Variants in HYDIN observed in about 807,000 individuals in gnomAD.
The protein encoded by HYDIN is axonemal central pair apparatus protein HYDIN.
Under a neutral mutation model 403.9 loss-of-function variants are expected in HYDIN, and 132 were observed. That is an observed-to-expected ratio of 0.33 (90% CI 0.28 to 0.38). The LOEUF (loss-of-function observed/expected upper bound fraction) is 0.38. Among genes scored for constraint, HYDIN ranks in the 10% least tolerant of loss-of-function variants. The pLI, the probability that HYDIN is intolerant of heterozygous loss-of-function variation, is 1.00. For missense variants in HYDIN, 2,827 were observed against 5,009.5 expected (o/e 0.56, Z 13.15); for synonymous variants, 1,202 against 1,891.7 (o/e 0.64, Z 9.46).
In HYDIN at chr16:70,920,626, C is replaced by T. The variant is rs1175719006; in HGVS notation, c.7750G>A (p.Ala2584Thr). The T allele has an allele frequency of 1.9e-6, 3 of 1,613,876 alleles. No homozygotes were observed. The highest frequency in any genetic ancestry group is 2.5e-6 in the Non-Finnish European group (3 of 1,179,922). Reference protein sequence around the residue: ...PDFEGLSWKQALESDKLPKGE... With the variant: ...PDFEGLSWKQTLESDKLPKGE... The stretch of plus-strand genomic sequence containing the variant: ...TTGGGAAGCTTGTCGCTCTCTAGGG[C>T]CTGCTTCCAGCTCAAGCCTTCAAAG... The change falls in exon 46 of 86, where the codon GCC (alanine) becomes ACC (threonine). Residue 2584 changes from alanine to threonine, a missense_variant. Transcript: ENST00000393567.
At chr16:71,185,775 G>A (rs1409158551) in intron 2 of HYDIN, among the ~76,000 whole-genome samples, 1 of 152,144 alleles carries the variant, frequency 6.6e-6, no homozygotes, top group Non-Finnish European at 1.5e-5. Context: ...GGGAGATTAT[G>A]ATCATTGGCA....
chr16:70,907,624 C>G (rs1435332192), intron 49 of HYDIN, 133 bp from the exon 50 acceptor site: 3 of 435,958 alleles, frequency 6.9e-6, no homozygotes, highest in Admixed American at 3.7e-5. Context: ...AGTGACTCTT[C>G]TTTGTCCCAG....
intron 21 of HYDIN, among the ~76,000 whole-genome samples, chr16:71,021,512 G>T (rs1435315053): frequency 6.6e-6 from 1 of 152,102 alleles, no homozygotes; most frequent in African/African-American, 2.4e-5. Flanking sequence ...ACCGCACCCG[G>T]CCCAGATTTA....
chr16:71,087,341 C>T (rs945793346), intron 12 of HYDIN, among the ~76,000 whole-genome samples: 10 of 151,542 alleles, frequency 6.6e-5, no homozygotes, highest in Admixed American at 6.6e-4. Context: ...GGGTCTCTCG[C>T]TTCAGCTTCT....
rs546301115 is a variant in HYDIN at position 71,193,167 on chromosome 16, G to T, written c.-23-6249C>A. Among the ~76,000 whole-genome samples the T allele has an allele frequency of 3.9e-5, 6 of 152,332 alleles. No individual in the cohort carries two copies. The South Asian group carries it at 1.0e-3, about 26-fold the overall frequency. On this transcript the variant is annotated intron_variant, in intron 1 of 85. Transcript: ENST00000393567. ...TAAGCTTCTTGCCTATAGGGATCAT[G>T]TGTAATTGGCACATACAAGGAGCTC... is the stretch of plus-strand genomic sequence containing the variant.
chr16:71,230,451 T>C (rs2041230678), intron 1 of HYDIN, 111 bp downstream of exon 1: 2 of 1,320,038 alleles, frequency 1.5e-6, no homozygotes, highest in African/African-American at 1.5e-5. Flanking sequence ...CTGGAAAGTC[T>C]GGAGAACGCC....
chr16:71,054,663 A>C (rs1408662723), intron 18 of HYDIN, among the ~76,000 whole-genome samples: 1 of 151,836 alleles, frequency 6.6e-6, no homozygotes, highest in Non-Finnish European at 1.5e-5. Flanking sequence ...ACTCTCTCTG[A>C]AAATGGATAG....
rs1429371944 is a variant in HYDIN, at chr16:70,829,846, C to T, written c.13900-16G>A. 1.9e-6 allele frequency: 3 copies of T among 1,611,934 alleles called. No homozygotes were observed. The highest frequency in any genetic ancestry group is 2.5e-6 in the Non-Finnish European group (3 of 1,178,388). ...AATTCACTACCTGGAAGAAAGCAGG[C>T]ACCTCATCTTCCATGGCACTTCCCC... On this transcript the variant is annotated splice_polypyrimidine_tract_variant and intron_variant, in intron 80 of 85. Transcript: ENST00000393567.
chr16:71,020,630 G>A (rs1597566330), intron 21 of HYDIN, among the ~76,000 whole-genome samples: 1 of 152,142 alleles, frequency 6.6e-6, no homozygotes, highest in African/African-American at 2.4e-5. Context: ...CCAACATGGT[G>A]AAACCCCGTC....
chr16:71,021,976 G>C (rs2080512061), intron 21 of HYDIN, among the ~76,000 whole-genome samples: 1 of 151,814 alleles, frequency 6.6e-6, no homozygotes, highest in African/African-American at 2.4e-5. Context: ...TGACTTTAGG[G>C]ATTAGGTCTG....
intron 18 of HYDIN, among the ~76,000 whole-genome samples, chr16:71,056,071 G>A (rs2077512): frequency 6.6e-6 from 1 of 150,852 alleles, no homozygotes; most frequent in Non-Finnish European, 1.5e-5. Context: ...CAAGCAGAGC[G>A]CGCATTCTCC....
Position 70,834,980 on chromosome 16 carries a change from A to ATATATATATACACACATATGTGTG in HYDIN, c.13401+695_13401+696insCACACATATGTGTGTATATATATA, listed in dbSNP as rs1555539572. Among the ~76,000 whole-genome samples, 878 of 128,614 alleles carry ATATATATATACACACATATGTGTG rather than the reference A, an allele frequency of 6.8e-3. 18 individuals are homozygous for ATATATATATACACACATATGTGTG. The highest frequency in any genetic ancestry group is 0.034 in the African/African-American group (818 of 23,968). The allele number at this position is 128,614 out of a possible 152,430, so 84.4% of individuals were successfully genotyped here. ...TATATACACACATATATGTGTGTATATATATATATATACACACATATATAT... is the reference window on the plus strand; with the variant it reads ...TATATACACACATATATGTGTGTATATATATATATACACACATATGTGTGTATATATATATACACACATATATAT... On this transcript the variant is annotated intron_variant, in intron 78 of 85. Coordinates refer to ENST00000393567, the MANE Select transcript of HYDIN (RefSeq NM_001270974.2).
At chr16:71,220,122 G>A (rs967809257) in intron 1 of HYDIN, among the ~76,000 whole-genome samples, 1 of 151,916 alleles carries the variant, frequency 6.6e-6, no homozygotes. Context: ...ACACATCCAG[G>A]GTCAAAAATC....
chr16:71,042,366 T>A (rs1314236567), intron 18 of HYDIN, among the ~76,000 whole-genome samples: 2 of 151,962 alleles, frequency 1.3e-5, no homozygotes, highest in African/African-American at 4.8e-5. Flanking sequence ...CTAAGTACTC[T>A]ACTGCTACTT....
chr16:70,871,720 C>T (rs1162999440), intron 65 of HYDIN, among the ~76,000 whole-genome samples: 1 of 137,010 alleles, frequency 7.3e-6, no homozygotes, highest in Non-Finnish European at 1.6e-5. Context: ...GGACACACAC[C>T]TAGGAGGACA....
In HYDIN at chr16:70,804,675, G is replaced by C. The variant is rs2035030957; in HGVS notation, c.*2905C>G. 6.6e-6 allele frequency among the ~76,000 whole-genome samples: 1 copy of C among 152,200 alleles called. No individual in the cohort carries two copies. The highest frequency in any genetic ancestry group is 1.9e-4 in the East Asian group (1 of 5,202). ...GTTGTTATCTCCAGAGCATTGAGGG[G>C]AACTATGATCTTTAGCAGGGTCTAC... On this transcript the variant is annotated 3_prime_UTR_variant, in exon 86 of 86. Coordinates refer to ENST00000393567, the MANE Select transcript of HYDIN (RefSeq NM_001270974.2).
intron 3 of HYDIN, among the ~76,000 whole-genome samples, chr16:71,183,740 T>C (rs938152492): frequency 5.3e-5 from 8 of 152,092 alleles, no homozygotes; most frequent in Non-Finnish European, 1.0e-4. Flanking sequence ...TAAGCTCTTA[T>C]TGAAGAAATT....
At chr16:70,949,246 G>A (rs2077982702) in intron 41 of HYDIN, among the ~76,000 whole-genome samples, 2 of 144,800 alleles carry the variant, frequency 1.4e-5, no homozygotes, top group Non-Finnish European at 3.0e-5. Flanking sequence ...CTCATAGGTG[G>A]GAATTGAACA....
In HYDIN at chr16:70,879,316, T is replaced by C. The variant is rs772886783; in HGVS notation, c.10538A>G (p.Asn3513Ser). 14 of 1,348,296 alleles carry C rather than the reference T, an allele frequency of 1.0e-5. No homozygotes were observed. The highest frequency in any genetic ancestry group is 1.9e-5 in the Admixed American group (1 of 52,444). The allele number at this position is 1,348,296 out of a possible 1,614,324, so 83.5% of individuals were successfully genotyped here. A position where few individuals can be genotyped will look rare whatever the true frequency, so the allele number is the denominator to read the frequency against. Residue 3513 changes from asparagine (N) to serine (S), a missense_variant, in exon 62 of 86, where the codon AAT becomes AGT. By Grantham distance (46) the Asn-to-Ser change is conservative. Coordinates refer to ENST00000393567, the MANE Select transcript of HYDIN (RefSeq NM_001270974.2). ...TATTACCTGGGCAGGGAGGACACCA[T>C]TGTTCTTGAGGATGAGAGGCAGCTT... Reference protein sequence around the residue: ...SEKLPLILKNNGVLPAQLHVD... With the variant: ...SEKLPLILKNSGVLPAQLHVD...
Sources: gnomAD v4.1 joint callset for allele counts (sites outside exome capture counted in the v4.1 genomes callset) on GRCh38, gnomAD v4.1.1 for gene constraint, MANE v1.5 for transcripts, NCBI Gene and HGNC (gene_info 2026-07-23, HGNC 2026-07-21) for gene names.